The following THSD7B variants were observed in gnomAD, a reference collection of about 807,000 sequenced individuals.
The protein encoded by THSD7B is thrombospondin type-1 domain-containing protein 7B.
Under a neutral mutation model 213.6 loss-of-function variants are expected in THSD7B, and 138 were observed. The observed-to-expected ratio is 0.65, with a 90% CI of 0.56 to 0.74. The LOEUF is 0.74. Ranked by LOEUF, THSD7B falls within the 30% of genes least tolerant of loss-of-function variation. The pLI is 0.00. For synonymous variants in THSD7B, 742 were observed against 687.0 expected, an observed-to-expected ratio of 1.08 and a Z score of -1.25; for missense variants, 1,931 against 1,991.5, an observed-to-expected ratio of 0.97 and a Z score of 0.58.
At chr2:137,390,420 A>T (rs559328790) in intron 12 of THSD7B, among the ~76,000 whole-genome samples, 93 of 152,232 alleles carry the variant, frequency 6.1e-4, no homozygotes, top group African/African-American at 2.2e-3. Context: ...TATATATCAG[A>T]TCTAAGTTTT....
At chr2:137,511,690 C>T (rs541511445) in intron 15 of THSD7B, among the ~76,000 whole-genome samples, 80 of 152,242 alleles carry the variant, frequency 5.3e-4, no homozygotes, top group African/African-American at 1.8e-3. Context: ...CTCTGCCACC[C>T]GAGCTGTTTG....
intron 7 of THSD7B, among the ~76,000 whole-genome samples, chr2:137,205,012 C>G (rs1680953074): frequency 6.6e-6 from 1 of 152,002 alleles, no homozygotes; most frequent in Non-Finnish European, 1.5e-5. Context: ...TTAGAATGCA[C>G]CCACACGGAT....
intron 10 of THSD7B, among the ~76,000 whole-genome samples, chr2:137,243,175 A>C (rs921577532): frequency 3.9e-5 from 6 of 152,196 alleles, no homozygotes; most frequent in African/African-American, 1.4e-4. Context: ...TATATGCTAA[A>C]GTGATCCCCT....
chr2:137,574,474 A>G (rs957106036), intron 17 of THSD7B, among the ~76,000 whole-genome samples: 2 of 152,102 alleles, frequency 1.3e-5, no homozygotes, highest in Admixed American at 6.6e-5. Flanking sequence ...AGCTATGACA[A>G]TGACAATACA....
intron 3 of THSD7B, among the ~76,000 whole-genome samples, chr2:137,062,235 C>T (rs1211704978): frequency 6.6e-6 from 1 of 151,014 alleles, no homozygotes; most frequent in East Asian, 1.9e-4. Context: ...TCTTTTTTTT[C>T]CTAACCTGGC....
chr2:137,176,568 G>A (rs550657618), intron 7 of THSD7B, among the ~76,000 whole-genome samples: 3 of 152,258 alleles, frequency 2.0e-5, no homozygotes, highest in South Asian at 2.1e-4. Context: ...CAGAAGTAAT[G>A]GGTTGTAGCA....
chr2:137,110,766 A>G (rs549063410), intron 4 of THSD7B, among the ~76,000 whole-genome samples: 11 of 152,330 alleles, frequency 7.2e-5, no homozygotes, highest in African/African-American at 2.4e-4. Context: ...TGCACTCCAT[A>G]ACATTTCTGT....
intron 6 of THSD7B, among the ~76,000 whole-genome samples, chr2:137,168,478 G>T (rs1190001313): frequency 6.6e-6 from 1 of 152,150 alleles, no homozygotes; most frequent in African/African-American, 2.4e-5. Context: ...CTGAGCTTGT[G>T]CTGTGGTTTG....
intron 12 of THSD7B, among the ~76,000 whole-genome samples, chr2:137,298,981 C>G (rs754074650): frequency 2.0e-5 from 3 of 152,066 alleles, no homozygotes; most frequent in Admixed American, 6.5e-5. Context: ...GAGAAGAAAG[C>G]CACTATCCTC....
chr2:137,217,022 G>A (rs959853691), intron 7 of THSD7B, among the ~76,000 whole-genome samples: 7 of 152,036 alleles, frequency 4.6e-5, no homozygotes, highest in African/African-American at 1.7e-4. Context: ...CTAAATGAGA[G>A]CCCCTTTTGC....
chr2:137,638,907 A>T (rs529898983), intron 20 of THSD7B, among the ~76,000 whole-genome samples: 26 of 152,192 alleles, frequency 1.7e-4, no homozygotes, highest in Non-Finnish European at 2.9e-4. Context: ...AGCATTCAAG[A>T]TGTGACTTGG....
At chr2:137,383,341 T>G (rs1685820414) in intron 12 of THSD7B, among the ~76,000 whole-genome samples, 1 of 152,222 alleles carries the variant, frequency 6.6e-6, no homozygotes, top group Admixed American at 6.5e-5. Context: ...CCTGTATTAC[T>G]GCTGTGGCCT....
Position 137,450,860 on chromosome 2 carries a change from A to G in THSD7B, c.2975A>G (p.Lys992Arg). 1.2e-6 allele frequency: 2 copies of G among 1,605,324 alleles called. No individual in the cohort carries two copies. Among genetic ancestry groups the G allele is most frequent in the Non-Finnish European group, 8.5e-7 (1 of 1,176,592 alleles). Residue 992 changes from lysine (K) to arginine (R), a missense_variant, in exon 15 of 28, where the codon AAA (lysine) becomes AGA (arginine). Lys to Arg is a conservative substitution (Grantham distance 26). Transcript: ENST00000409968. ...FCSSSGYIQE[K>R]CVIPCPFDCK... ...TTTCTGTCAGGTTACATTCAAGAAA[A>G]ATGTGTCATTCCCTGCCCATTTGAT...
At chr2:137,038,541 A>G (rs1408156162) in intron 2 of THSD7B, among the ~76,000 whole-genome samples, 2 of 152,194 alleles carry the variant, frequency 1.3e-5, no homozygotes, top group South Asian at 2.1e-4. Context: ...CAGCTGGGTT[A>G]TGTTTAATTT....
intron 2 of THSD7B, among the ~76,000 whole-genome samples, chr2:136,908,669 C>A (rs922249026): frequency 6.6e-6 from 1 of 152,054 alleles, no homozygotes; most frequent in African/African-American, 2.4e-5. Flanking sequence ...GAAAGATGGA[C>A]GTGATTTTGA....
chr2:137,556,554 G>T (rs1157757677), intron 15 of THSD7B, among the ~76,000 whole-genome samples: 1 of 152,154 alleles, frequency 6.6e-6, no homozygotes, highest in Non-Finnish European at 1.5e-5. Context: ...ACTAAACATG[G>T]AAAGGAACCA....
chr2:136,972,166 G>C (rs1346736), intron 2 of THSD7B, among the ~76,000 whole-genome samples: 37,363 of 152,050 alleles, frequency 0.25, 5,084 homozygotes, highest in East Asian at 0.56. Context: ...CTCAGACCCA[G>C]GGTAGACGTT....
At chr2:136,992,757 C>T (rs538971057) in intron 2 of THSD7B, among the ~76,000 whole-genome samples, 1 of 152,274 alleles carries the variant, frequency 6.6e-6, no homozygotes, top group East Asian at 1.9e-4. Flanking sequence ...CTTGGCAACT[C>T]ACCTATTTAT....
intron 1 of THSD7B, among the ~76,000 whole-genome samples, chr2:136,870,299 C>G (rs931261482): frequency 4.6e-5 from 7 of 152,302 alleles, no homozygotes; most frequent in Non-Finnish European, 1.0e-4. Flanking sequence ...AGCTTCTTCA[C>G]TGAAGTTATG....
Sources: allele counts gnomAD v4.1 joint callset (sites outside exome capture counted in the v4.1 genomes callset), GRCh38; gene constraint gnomAD v4.1.1; transcripts MANE v1.5; gene names NCBI Gene and HGNC (gene_info 2026-07-23, HGNC 2026-07-21).